The following TEX26 variants were observed in gnomAD, a reference collection of about 807,000 sequenced individuals.
The protein encoded by TEX26 is testis expressed 26, also known as testis-expressed protein 26.
Under a neutral mutation model 35.3 loss-of-function variants are expected in TEX26, and 34 were observed. That is an observed-to-expected ratio of 0.96 (90% CI 0.73 to 1.28). The LOEUF (loss-of-function observed/expected upper bound fraction) is 1.28, where lower values mean the gene tolerates loss of function less well. Ranked by LOEUF, TEX26 falls within the 50% of genes most tolerant of loss-of-function variation. The pLI, the probability that TEX26 is intolerant of heterozygous loss-of-function variation, is 0.00. For synonymous variants in TEX26, 136 were observed against 111.8 expected (o/e 1.22, Z -1.36); for missense variants, 371 against 330.1 (o/e 1.12, Z -0.96).
intron 4 of TEX26, among the ~76,000 whole-genome samples, chr13:30,964,896 G>A (rs1175147784): frequency 1.3e-5 from 2 of 152,174 alleles, no homozygotes; most frequent in African/African-American, 2.4e-5. Context: ...AGGGCAGAGT[G>A]CCCATGACCC....
chr13:30,952,722 C>T lies in TEX26; in HGVS notation c.209C>T (p.Thr70Ile), dbSNP rs775491521. Residue 70 changes from threonine to isoleucine, a missense_variant, in exon 3 of 7, where the codon ACA becomes ATA. Coordinates refer to ENST00000380473, the MANE Select transcript of TEX26 (RefSeq NM_152325.3). ...YSLSDPILNQ[T>I]QYSDEYTWKS... ...CTTAGTGATCCTATTCTCAATCAGA[C>T]ACAATATAGTGATGAGTACACTTGG... 2.5e-5 allele frequency: 40 copies of T among 1,612,040 alleles called. 1 individual carries two copies. The South Asian group carries it at 4.4e-4, about 18-fold the overall frequency.
intron 3 of TEX26, among the ~76,000 whole-genome samples, chr13:30,954,268 A>G (rs989356637): frequency 9.8e-6 from 1 of 102,120 alleles, no homozygotes; most frequent in Non-Finnish European, 1.9e-5. Context: ...ATATATATTT[A>G]TAGACCTATA....
intron 2 of TEX26, among the ~76,000 whole-genome samples, chr13:30,948,879 A>C (rs1333620869): frequency 6.6e-6 from 1 of 152,180 alleles, no homozygotes; most frequent in Non-Finnish European, 1.5e-5. Flanking sequence ...TTTAGGTCTA[A>C]TATGTAAGTC....
In TEX26 at chr13:30,969,466, A is replaced by G. The variant is rs7323410; in HGVS notation, c.808+420A>G. Among the ~76,000 whole-genome samples the G allele has an allele frequency of 8.0e-4, 122 of 152,272 alleles. 1 individual carries two copies. Among genetic ancestry groups the G allele is most frequent in the African/African-American group, 2.8e-3 (118 of 41,570 alleles). ...TGATAAGCTTTTTAAGGTACAGGAAAATCTCTATATATCACTCTCTGAAGG... is the reference window on the plus strand; with the variant it reads ...TGATAAGCTTTTTAAGGTACAGGAAGATCTCTATATATCACTCTCTGAAGG... On this transcript the variant is annotated intron_variant, in intron 6 of 6. Coordinates refer to ENST00000380473, the MANE Select transcript of TEX26 (RefSeq NM_152325.3).
intron 3 of TEX26, among the ~76,000 whole-genome samples, chr13:30,954,989 T>C (rs1954073045): frequency 6.6e-6 from 1 of 152,190 alleles, no homozygotes; most frequent in African/African-American, 2.4e-5. Flanking sequence ...ATTCTAGGTA[T>C]TGAATATCAA....
At chr13:30,933,363 C>T (rs1953146633) in intron 1 of TEX26, 1 of 152,312 alleles carries the variant, frequency 6.6e-6, no homozygotes. Context: ...GCTTTTCATC[C>T]TAATTCTGCC....
Position 30,956,899 on chromosome 13 carries a change from C to G in TEX26, c.339C>G (p.His113Gln), listed in dbSNP as rs200166266. The G allele has an allele frequency of 4.0e-5, 64 of 1,614,138 alleles. No homozygotes were observed. The highest frequency in any genetic ancestry group is 5.1e-5 in the Non-Finnish European group (60 of 1,179,990). The change falls in exon 4 of 7, where the codon CAC (histidine) becomes CAG (glutamine). Residue 113 changes from histidine to glutamine, a missense_variant. Coordinates refer to ENST00000380473, the MANE Select transcript of TEX26 (RefSeq NM_152325.3). ...NEDIFLWTLPHCQQTGTLKNC... is the reference protein window; with the variant it reads ...NEDIFLWTLPQCQQTGTLKNC... ...ACATTTTCCTGTGGACACTACCTCA[C>G]TGTCAACAAACGGGGACACTAAAGA...
At position 30,964,796 on chromosome 13, in the gene TEX26, G is replaced by C. The variant is rs79473724; in HGVS notation, c.470-1426G>C. Among the ~76,000 whole-genome samples, 175 of 152,318 alleles carry C rather than the reference G, an allele frequency of 1.1e-3. 2 individuals are homozygous for C. The East Asian group carries it at 0.023, about 20-fold the overall frequency. ...AGGACAAGAGCGTGAAAGTGAGAGA[G>C]AGAAAGGAAGCCAAACTCACCTTTT... On this transcript the variant is annotated intron_variant, in intron 4 of 6. Coordinates refer to ENST00000380473, the MANE Select transcript of TEX26 (RefSeq NM_152325.3).
chr13:30,967,406 G>A (rs568430765), intron 5 of TEX26, among the ~76,000 whole-genome samples: 9 of 152,268 alleles, frequency 5.9e-5, no homozygotes, highest in East Asian at 1.9e-4. Flanking sequence ...ATCCCCCTTC[G>A]TTGTCTGATG....
At chr13:30,966,154 G>C in intron 4 of TEX26, 68 bp from the exon 5 acceptor site, 1 of 1,552,418 alleles carries the variant, frequency 6.4e-7, no homozygotes, top group Non-Finnish European at 8.9e-7. Context: ...TCTAAACACA[G>C]CAAGAGTGGG....
chr13:30,934,767 T>A (rs930710750), intron 1 of TEX26, among the ~76,000 whole-genome samples: 1 of 152,112 alleles, frequency 6.6e-6, no homozygotes, highest in African/African-American at 2.4e-5. Context: ...AAACTGCAGC[T>A]ACAGACCCAG....
At chr13:30,959,294 C>T (rs1716384921) in intron 4 of TEX26, among the ~76,000 whole-genome samples, 1 of 152,146 alleles carries the variant, frequency 6.6e-6, no homozygotes. Context: ...TCCTCATTGG[C>T]AGTCAATTTC....
intron 6 of TEX26, 23 bp from the exon 7 acceptor site, chr13:30,974,823 C>T: frequency 6.5e-7 from 1 of 1,540,322 alleles, no homozygotes; most frequent in Non-Finnish European, 8.7e-7. Flanking sequence ...AATTTTCATC[C>T]TGTTTTTCTT....
chr13:30,954,051 C>T (rs1278984443), intron 3 of TEX26, among the ~76,000 whole-genome samples: 1 of 151,990 alleles, frequency 6.6e-6, no homozygotes, highest in East Asian at 1.9e-4. Context: ...TGGAGAAGGG[C>T]ATTGGGGGAA....
chr13:30,956,734 G>T, intron 3 of TEX26, 139 bp from the exon 4 acceptor site: 1 of 714,766 alleles, frequency 1.4e-6, no homozygotes. Context: ...CCTGTTGACG[G>T]GCTCCCAGCA....
chr13:30,956,931 T>A lies in TEX26; in HGVS notation c.371T>A (p.Leu124His), dbSNP rs978533864. 6.2e-7 allele frequency: 1 copy of A among 1,614,046 alleles called. No homozygotes were observed. The highest frequency in any genetic ancestry group is 8.5e-7 in the Non-Finnish European group (1 of 1,179,996). ...CQQTGTLKNC[L>H]PWKIPASMKE... is the part of the protein sequence containing the mutation. ...CAAACGGGGACACTAAAGAACTGCCTCCCTTGGAAAATCCCGGCTTCAATG... is the reference window on the plus strand; with the variant it reads ...CAAACGGGGACACTAAAGAACTGCCACCCTTGGAAAATCCCGGCTTCAATG... Residue 124 changes from leucine (L) to histidine (H), a missense_variant, in exon 4 of 7, where the codon CTC becomes CAC. By Grantham distance (99) the Leu-to-His change is moderately conservative. Coordinates refer to ENST00000380473, the MANE Select transcript of TEX26 (RefSeq NM_152325.3).
chr13:30,932,961 A>G, intron 1 of TEX26, 185 bp downstream of exon 1: 1 of 582,620 alleles, frequency 1.7e-6, no homozygotes, highest in South Asian at 3.4e-5. Flanking sequence ...GCCCCTTTTC[A>G]GTCCTTCGCA....
Position 30,966,335 on chromosome 13 carries a change from C to A in TEX26, c.583C>A (p.Leu195Ile). 6.2e-7 allele frequency: 1 copy of A among 1,614,034 alleles called. No individual in the cohort carries two copies. Among genetic ancestry groups the A allele is most frequent in the East Asian group, 2.2e-5 (1 of 44,868 alleles). ...NYQIPAKIPE[L>I]QDFSFKYGCY... ...CCAAATTCCAGCTAAAATTCCTGAGCTTCAAGATTTCAGTTTCAAATATGG... is the reference window on the plus strand; with the variant it reads ...CCAAATTCCAGCTAAAATTCCTGAGATTCAAGATTTCAGTTTCAAATATGG... The change falls in exon 5 of 7, where the codon CTT (leucine) becomes ATT (isoleucine). Residue 195 changes from leucine to isoleucine, a missense_variant. Physicochemically the swap from Leu to Ile is conservative, Grantham distance 5 (BLOSUM62 2). Coordinates refer to ENST00000380473, the MANE Select transcript of TEX26 (RefSeq NM_152325.3).
chr13:30,934,013 G>A (rs1953173552), intron 1 of TEX26, among the ~76,000 whole-genome samples: 1 of 152,150 alleles, frequency 6.6e-6, no homozygotes, highest in East Asian at 1.9e-4. Flanking sequence ...ATATCTAACT[G>A]TCTACCAGAC....
Sources: gnomAD v4.1 joint callset for allele counts (sites outside exome capture counted in the v4.1 genomes callset) on GRCh38, gnomAD v4.1.1 for gene constraint, MANE v1.5 for transcripts, NCBI Gene and HGNC (gene_info 2026-07-23, HGNC 2026-07-21) for gene names.